Variants in BRAF observed in about 807,000 individuals in gnomAD.
The protein encoded by BRAF is B-Raf proto-oncogene, serine/threonine kinase, also known as serine/threonine-protein kinase B-raf.
A neutral mutation model predicts 104.6 loss-of-function variants in BRAF; 16 were observed. The observed-to-expected ratio is 0.15, with a 90% CI of 0.10 to 0.23. The LOEUF is 0.23. Ranked by LOEUF, BRAF falls within the 10% of genes least tolerant of loss-of-function variation. The probability of loss-of-function intolerance (pLI) is 1.00; values close to 1 mark genes in which losing one functional copy is unlikely to be tolerated. For missense variants in BRAF, 541 were observed against 937.3 expected (o/e 0.58, Z 5.52); for synonymous variants, 310 against 341.6 (o/e 0.91, Z 1.02).
rs1795451709 is a variant in BRAF, at chr7:140,723,928, A to T, written c.*2566T>A. ...ATAAAGCAGATAAAACACAAATAAA[A>T]CCTATTTTCATGTCATTTGTAAACT... On this transcript the variant is annotated 3_prime_UTR_variant, in exon 20 of 20. Transcript: ENST00000644969. 2.9e-6 allele frequency: 3 copies of T among 1,042,234 alleles called. No individual in the cohort carries two copies. Among genetic ancestry groups the T allele is most frequent in the Non-Finnish European group, 2.3e-6 (2 of 864,630 alleles). 64.6% of individuals were successfully genotyped at this position (1,042,234 alleles called of 1,614,324 possible).
chr7:140,819,602 A>G (rs1281099902), intron 3 of BRAF, among the ~76,000 whole-genome samples: 3 of 152,224 alleles, frequency 2.0e-5, no homozygotes, highest in Non-Finnish European at 4.4e-5. Context: ...CAGCTGATAA[A>G]TGTGTAAACA....
chr7:140,870,871 TA>T (rs369012646), intron 1 of BRAF, among the ~76,000 whole-genome samples: 5,186 of 125,102 alleles, frequency 0.041, 75 homozygotes, highest in Middle Eastern at 0.071. Context: ...TTTTCTTACT[TA>T]AAAAAAAAAA....
chr7:140,858,852 C>T (rs1163673074), intron 1 of BRAF, among the ~76,000 whole-genome samples: 1 of 151,482 alleles, frequency 6.6e-6, no homozygotes, highest in Non-Finnish European at 1.5e-5. Flanking sequence ...TATAAAGAGG[C>T]ATAAGAATTA....
chr7:140,713,459 C>T, the BRAF span, among the ~76,000 whole-genome samples: 1 of 152,180 alleles, frequency 6.6e-6, no homozygotes, highest in African/African-American at 2.4e-5. Flanking sequence ...TTTTCAGCTC[C>T]ATCAGGTCCT....
In BRAF at chr7:140,719,894, CAGAAA is replaced by C; in HGVS notation, c.*6595_*6599del. ...ACTAAACCCGAACCTTTGGCAGTAA[CAGAAA>C]AGAGGAATGTGTGTGTGAGTCGCCA... On this transcript the variant is annotated 3_prime_UTR_variant, in exon 20 of 20. Transcript: ENST00000644969. The C allele has an allele frequency of 9.4e-7, 1 of 1,062,470 alleles. No individual in the cohort carries two copies. Among genetic ancestry groups the C allele is most frequent in the Non-Finnish European group, 1.1e-6 (1 of 877,542 alleles). 65.8% of individuals were successfully genotyped at this position (1,062,470 alleles called of 1,614,324 possible).
chr7:140,849,069 G>C (rs1235911262), intron 2 of BRAF, among the ~76,000 whole-genome samples: 1 of 152,122 alleles, frequency 6.6e-6, no homozygotes, highest in Non-Finnish European at 1.5e-5. Flanking sequence ...TTCTAATTTA[G>C]AGTTCTCCAT....
intron 14 of BRAF, among the ~76,000 whole-genome samples, chr7:140,761,496 C>T (rs1316286406): frequency 6.6e-6 from 1 of 151,560 alleles, no homozygotes; most frequent in African/African-American, 2.4e-5. Context: ...AGCAAAATAA[C>T]CAGCTAATAT....
In BRAF at chr7:140,924,755, AAGGGAGGCGGAGAGCTGGGGG is replaced by A. The variant is rs1382662234; in HGVS notation, c.-73_-53del. 4 of 682,354 alleles carry A rather than the reference AAGGGAGGCGGAGAGCTGGGGG, an allele frequency of 5.9e-6. No individual in the cohort carries two copies. The highest frequency in any genetic ancestry group is 2.5e-5 in the Admixed American group (1 of 40,550). 42.3% of individuals were successfully genotyped at this position (682,354 alleles called of 1,614,324 possible). On this transcript the variant is annotated 5_prime_UTR_variant, in exon 1 of 20. Transcript: ENST00000644969. This position sits in a 1 kb window ranked among gnomAD's most constrained non-coding sequence, Gnocchi z 4.2. Reference sequence around the variant, plus strand: ...CGGCCGCTGTCGGGCGGGGAGGGGGAAGGGAGGCGGAGAGCTGGGGGAGGCGGAGGCGGAGGCGGAGGCGGA... The same window carrying A: ...CGGCCGCTGTCGGGCGGGGAGGGGGAAGGCGGAGGCGGAGGCGGAGGCGGA...
downstream of BRAF, among the ~76,000 whole-genome samples, chr7:140,716,535 C>G (rs1392837028): frequency 6.6e-6 from 1 of 152,152 alleles, no homozygotes; most frequent in Non-Finnish European, 1.5e-5. Context: ...TAAACATATT[C>G]CAGCAGACGC....
At chr7:140,868,802 T>A (rs1313920053) in intron 1 of BRAF, among the ~76,000 whole-genome samples, 1 of 152,208 alleles carries the variant, frequency 6.6e-6, no homozygotes, top group Non-Finnish European at 1.5e-5. Context: ...CTCTGGCTGC[T>A]ATACTGGAAA....
Position 140,724,405 on chromosome 7 carries a change from A to C in BRAF, c.*2089T>G. On this transcript the variant is annotated 3_prime_UTR_variant, in exon 20 of 20. Transcript: ENST00000644969. ...AAGAAAAAACAGCCAATGCTTTTCA[A>C]GAGAGGCAGTATTATTGCACAGAAG... 1 of 1,056,068 alleles carries C rather than the reference A, an allele frequency of 9.5e-7. No individual in the cohort carries two copies. Among genetic ancestry groups the C allele is most frequent in the Non-Finnish European group, 1.1e-6 (1 of 873,578 alleles). 65.4% of individuals were successfully genotyped at this position (1,056,068 alleles called of 1,614,324 possible).
At chr7:140,781,453 T>G in intron 12 of BRAF, 123 bp downstream of exon 11, 4 of 1,028,552 alleles carry the variant, frequency 3.9e-6, no homozygotes, top group Non-Finnish European at 6.0e-6. Flanking sequence ...GTCCTGAAAC[T>G]AATCAAAATA....
At chr7:140,829,845 A>T (rs1806518339) in intron 3 of BRAF, among the ~76,000 whole-genome samples, 1 of 152,190 alleles carries the variant, frequency 6.6e-6, no homozygotes, top group Non-Finnish European at 1.5e-5. Flanking sequence ...TTTGTTTAAC[A>T]CAGGAAAATT....
chr7:140,812,357 T>C (rs1017642157), intron 3 of BRAF, among the ~76,000 whole-genome samples: 4 of 152,198 alleles, frequency 2.6e-5, no homozygotes, highest in Admixed American at 2.6e-4. Context: ...TAAATTTCAC[T>C]AGTTTGCTTA....
At chr7:140,730,293 T>TA (rs199869683) in intron 19 of BRAF, among the ~76,000 whole-genome samples, 3 of 151,432 alleles carry the variant, frequency 2.0e-5, no homozygotes, top group East Asian at 1.9e-4. Context: ...TATTAATTAA[T>TA]AAAAAAAAAT....
Position 140,781,663 on chromosome 7 carries a change from C to T in BRAF, c.1465G>A (p.Asp489Asn), listed in dbSNP as rs2129023868. ...KTLGRRDSSD[D>N]WEIPDGQITV... is the part of the protein sequence containing the mutation. ...ATCTGCCCATCAGGAATCTCCCAAT[C>T]ATCACTCGAGTCCCGTCTACCAAGT... The change falls in exon 12 of 20, where the codon GAT (aspartate) becomes AAT (asparagine). Residue 489 changes from aspartate (D) to asparagine (N), a missense_variant. By Grantham distance (23) the Asp-to-Asn change is conservative. Around this residue, in one of 10 missense-constraint regions of BRAF, gnomAD observed 109 missense variants for 143.9 expected, o/e 0.76. Coordinates refer to ENST00000644969, the MANE Select transcript of BRAF (RefSeq NM_001374258.1). The T allele has an allele frequency of 6.2e-7, 1 of 1,614,104 alleles. No homozygotes were observed. The highest frequency in any genetic ancestry group is 8.5e-7 in the Non-Finnish European group (1 of 1,180,012).
At chr7:140,853,398 A>G (rs1809413469) in intron 1 of BRAF, among the ~76,000 whole-genome samples, 2 of 152,040 alleles carry the variant, frequency 1.3e-5, no homozygotes, top group African/African-American at 4.8e-5. Context: ...TGCAGATCAC[A>G]TGTCATTCTC....
intron 19 of BRAF, among the ~76,000 whole-genome samples, chr7:140,729,702 C>T (rs1192017287): frequency 7.9e-5 from 12 of 152,048 alleles, no homozygotes; most frequent in East Asian, 5.8e-4. Context: ...CACTTGAACC[C>T]GGGAGGCAGA....
chr7:140,738,958 C>G (rs1796672410), intron 18 of BRAF, among the ~76,000 whole-genome samples: 1 of 143,566 alleles, frequency 7.0e-6, no homozygotes, highest in Non-Finnish European at 1.5e-5. Context: ...CTTTATCCTT[C>G]CAATATGGAA....
Sources: gnomAD v4.1 joint callset for allele counts (sites outside exome capture counted in the v4.1 genomes callset) on GRCh38, gnomAD v4.1.1 for gene constraint, gnomAD v4.1.1 regional missense constraint, Gnocchi (gnomAD v3.1) non-coding constraint, MANE v1.5 for transcripts, NCBI Gene and HGNC (gene_info 2026-07-23, HGNC 2026-07-21) for gene names.